FBXW9: variants seen among roughly 807,000 people sequenced by gnomAD.
The protein encoded by FBXW9 is F-box and WD repeat domain containing 9.
In FBXW9, 38 loss-of-function variants were observed where a neutral mutation model predicts 55.8. That is an observed-to-expected ratio of 0.68 (90% confidence interval 0.53 to 0.89). FBXW9 has a LOEUF of 0.89. FBXW9 is among the 40% of genes least tolerant of loss of function. The probability of loss-of-function intolerance (pLI) is 0.00; values close to 1 mark genes in which losing one functional copy is unlikely to be tolerated. For missense variants in FBXW9, 590 were observed against 619.4 expected (o/e 0.95, Z 0.50); for synonymous variants, 289 against 278.2 (o/e 1.04, Z -0.38).
In FBXW9 at chr19:12,694,887, G is replaced by A. The variant is rs894544889; in HGVS notation, c.461C>T (p.Ser154Phe). ...CCAGCGCCCATCCTCTGCCCAGCGG[G>A]ACAGGTGCTGCTCCAGCGCAATGCA... is the stretch of plus-strand genomic sequence containing the variant. Reference protein sequence around the residue: ...AACIALEQHLSRWAEDGRWVE... With the variant: ...AACIALEQHLFRWAEDGRWVE... The change falls in exon 2 of 10, where the codon TCC becomes TTC. Residue 154 changes from serine to phenylalanine, a missense_variant. By Grantham distance (155) the Ser-to-Phe change is radical. Transcript: ENST00000393261. 2.5e-6 allele frequency: 4 copies of A among 1,614,064 alleles called. No homozygotes were observed. The Admixed American group carries it at 6.7e-5, about 27-fold the overall frequency.
At position 12,689,577 on chromosome 19, in the gene FBXW9, T is replaced by A. The variant is rs2024973812; in HGVS notation, c.1200A>T (p.Gly400=). Residue 400 remains glycine (G), a synonymous_variant, in exon 8 of 10, where the codon GGA becomes GGT. Transcript: ENST00000393261. The surrounding 1 kb of genome is among the most constrained non-coding windows in gnomAD (Gnocchi z 5.9). ...TGTCAGTGGATGTGGTGTACAAGGC[T>A]CCCACGGAGTACTGGATCCCAGTGA... The part of the protein sequence containing the change: ...FPITGIQYSV[G]ALYTTSTDKT... 6.2e-7 allele frequency: 1 copy of A among 1,613,770 alleles called. No individual in the cohort carries two copies. The highest frequency in any genetic ancestry group is 8.5e-7 in the Non-Finnish European group (1 of 1,179,928).
At position 12,689,131 on chromosome 19, in the gene FBXW9, A is replaced by T; in HGVS notation, c.*85T>A. 1 of 1,099,910 alleles carries T rather than the reference A, an allele frequency of 9.1e-7. No individual in the cohort carries two copies. Among genetic ancestry groups the T allele is most frequent in the Non-Finnish European group, 1.4e-6 (1 of 714,682 alleles). 68.1% of individuals were successfully genotyped at this position (1,099,910 alleles called of 1,614,324 possible). ...TGCCCTAGGCCCACGGGGCGGAGGC[A>T]GCACCAACATTGGGGATGGTCCCCC... is the stretch of plus-strand genomic sequence containing the variant. On this transcript the variant is annotated 3_prime_UTR_variant, in exon 10 of 10. Transcript: ENST00000393261. The surrounding 1 kb of genome is among the most constrained non-coding windows in gnomAD (Gnocchi z 5.9).
Position 12,689,699 on chromosome 19 carries a change from G to A in FBXW9, c.1146+62C>T. The A allele has an allele frequency of 6.8e-6, 11 of 1,607,882 alleles. No homozygotes were observed. The highest frequency in any genetic ancestry group is 1.3e-5 in the African/African-American group (1 of 74,904). On this transcript the variant is annotated intron_variant, in intron 7 of 9. Coordinates refer to ENST00000393261, the MANE Select transcript of FBXW9 (RefSeq NM_032301.3). The surrounding 1 kb of genome is among the most constrained non-coding windows in gnomAD (Gnocchi z 5.9). ...AGGCCCGCCCTCCCCCACACCACCA[G>A]GGGCTCGGGTAGGAAGGAAGCCCGG... is the stretch of plus-strand genomic sequence containing the variant.
At chr19:12,696,146 C>G in intron 1 of FBXW9, 27 bp downstream of exon 1, 1 of 1,459,250 alleles carries the variant, frequency 6.9e-7, no homozygotes, top group East Asian at 2.5e-5. Flanking sequence ...CCCCGGCCCC[C>G]GGTCCCCGGC....
chr19:12,696,064 C>A, intron 1 of FBXW9, 109 bp downstream of exon 1: 1 of 1,134,482 alleles, frequency 8.8e-7, no homozygotes, highest in Non-Finnish European at 1.2e-6. Context: ...AGCCACGAAG[C>A]CTGCACCAGA....
intron 3 of FBXW9, among the ~76,000 whole-genome samples, chr19:12,693,501 GAAAAAAA>G (rs1214446276): frequency 0.033 from 69 of 2,120 alleles, 1 homozygote; most frequent in African/African-American, 0.055. Flanking sequence ...TCTACTAAAG[GAAAAAAA>G]AAAAAAAAAA....
Position 12,696,330 on chromosome 19 carries a change from CG to C in FBXW9, c.251del (p.Pro84ArgfsTer130). ...AGGAGCAGATCTCGAGCAGCAGCTCCGGGGGAAGGCTCAGAAGGCCCGGCTC... is the reference window on the plus strand; with the variant it reads ...AGGAGCAGATCTCGAGCAGCAGCTCCGGGGAAGGCTCAGAAGGCCCGGCTC... ...VSEPGLLSLP[P>X]ELLLEICSYL... On this transcript the variant is annotated frameshift_variant, in exon 1 of 10. Coordinates refer to ENST00000393261, the MANE Select transcript of FBXW9 (RefSeq NM_032301.3). LOFTEE classifies it high-confidence loss of function. 6.3e-7 allele frequency: 1 copy of C among 1,593,228 alleles called. No individual in the cohort carries two copies. Among genetic ancestry groups the C allele is most frequent in the East Asian group, 2.3e-5 (1 of 43,876 alleles).
rs771792711 is a variant in FBXW9 at position 12,689,897 on chromosome 19, G to C, written c.1033-23C>G. ...CAGCTACGAGAGGGACAAGGGACGGGACAGCTCAGGCCGGGCTGGGCCTGC... is the reference window on the plus strand; with the variant it reads ...CAGCTACGAGAGGGACAAGGGACGGCACAGCTCAGGCCGGGCTGGGCCTGC... On this transcript the variant is annotated intron_variant, in intron 6 of 9. Coordinates refer to ENST00000393261, the MANE Select transcript of FBXW9 (RefSeq NM_032301.3). This position sits in a 1 kb window ranked among gnomAD's most constrained non-coding sequence, Gnocchi z 5.9. 3 of 1,613,118 alleles carry C rather than the reference G, an allele frequency of 1.9e-6. No homozygotes were observed. Among genetic ancestry groups the C allele is most frequent in the Non-Finnish European group, 2.5e-6 (3 of 1,179,302 alleles).
rs1351103140 is a variant in FBXW9, at chr19:12,694,712, A to G, written c.560T>C (p.Leu187Pro). Reference sequence around the variant, plus strand: ...GCGATCTCGGGAGCCCGACAGACAGAGTGACCCACCCTGGAAAGGGAGCAA... The same window carrying G: ...GCGATCTCGGGAGCCCGACAGACAGGGTGACCCACCCTGGAAAGGGAGCAA... Reference protein sequence around the residue: ...DSVLLLQGGSLCLSGSRDRNV... With the variant: ...DSVLLLQGGSPCLSGSRDRNV... The change falls in exon 3 of 10, where the codon CTC (leucine) becomes CCC (proline). Residue 187 changes from leucine to proline, a missense_variant. Transcript: ENST00000393261. 1.2e-6 allele frequency: 2 copies of G among 1,614,070 alleles called. No homozygotes were observed. The highest frequency in any genetic ancestry group is 1.3e-5 in the African/African-American group (1 of 74,930).
intron 5 of FBXW9, 68 bp downstream of exon 5, chr19:12,691,098 G>A: frequency 3.0e-6 from 4 of 1,348,574 alleles, no homozygotes; most frequent in Non-Finnish European, 4.3e-6. Context: ...CAGCCAGGCT[G>A]TGAAGCCCCA....
chr19:12,689,725 G>C lies in FBXW9; in HGVS notation c.1146+36C>G, dbSNP rs181719290. 102 of 1,610,390 alleles carry C rather than the reference G, an allele frequency of 6.3e-5. No individual in the cohort carries two copies. The highest frequency in any genetic ancestry group is 4.3e-4 in the African/African-American group (32 of 74,922). ...GGGCTCGGGTAGGAAGGAAGCCCGGGGGGAGGGACAGTCAGGGGCAGGAGC... is the reference window on the plus strand; with the variant it reads ...GGGCTCGGGTAGGAAGGAAGCCCGGCGGGAGGGACAGTCAGGGGCAGGAGC... On this transcript the variant is annotated intron_variant, in intron 7 of 9. Transcript: ENST00000393261. This position sits in a 1 kb window ranked among gnomAD's most constrained non-coding sequence, Gnocchi z 5.9.
rs2145413691 is a variant in FBXW9, at chr19:12,696,224, A to C, written c.358T>G (p.Trp120Gly). Reference sequence around the variant, plus strand: ...ACGCGGCGTAGCGCGCGTAGCCTCCAGGTGACATGGTCAGACACGAGGTCG... The same window carrying C: ...ACGCGGCGTAGCGCGCGTAGCCTCCCGGTGACATGGTCAGACACGAGGTCG... Reference protein sequence around the residue: ...LRDLVSDHVTWRLRALRRVRA... With the variant: ...LRDLVSDHVTGRLRALRRVRA... The change falls in exon 1 of 10, where the codon TGG (tryptophan) becomes GGG (glycine). Residue 120 changes from tryptophan (W) to glycine (G), a missense_variant. Transcript: ENST00000393261. The C allele has an allele frequency of 6.4e-7, 1 of 1,559,012 alleles. No homozygotes were observed. The highest frequency in any genetic ancestry group is 2.4e-5 in the East Asian group (1 of 41,588).
At chr19:12,693,785 G>A (rs1439479767) in intron 3 of FBXW9, among the ~76,000 whole-genome samples, 1 of 150,778 alleles carries the variant, frequency 6.6e-6, no homozygotes, top group African/African-American at 2.4e-5. Flanking sequence ...CAGTTACTTG[G>A]GAGGCTGAGA....
intron 3 of FBXW9, among the ~76,000 whole-genome samples, chr19:12,693,559 TATACACACAC>T (rs200122775): frequency 0.046 from 502 of 10,986 alleles, 9 homozygotes; most frequent in Non-Finnish European, 0.071. Context: ...TATATATATA[TATACACACAC>T]ACACACACAC....
At chr19:12,695,583 G>A (rs949233349) in intron 1 of FBXW9, among the ~76,000 whole-genome samples, 1 of 152,096 alleles carries the variant, frequency 6.6e-6, no homozygotes, top group Non-Finnish European at 1.5e-5. Context: ...ATACATCTTG[G>A]CTTAAGGGCC....
Position 12,689,367 on chromosome 19 carries a change from C to T in FBXW9, c.1302+5G>A, listed in dbSNP as rs1263084469. On this transcript the variant is annotated splice_donor_5th_base_variant and intron_variant, in intron 9 of 9. Coordinates refer to ENST00000393261, the MANE Select transcript of FBXW9 (RefSeq NM_032301.3). This position sits in a 1 kb window ranked among gnomAD's most constrained non-coding sequence, Gnocchi z 5.9. The stretch of plus-strand genomic sequence containing the variant: ...CTGGGCAGGGCACATGGGGCAGGAC[C>T]TTACCCTATTGAGCCCATTGTCATG... The T allele has an allele frequency of 6.2e-7, 1 of 1,614,176 alleles. No homozygotes were observed. Among genetic ancestry groups the T allele is most frequent in the Admixed American group, 1.7e-5 (1 of 60,012 alleles).
chr19:12,689,189 G>T lies in FBXW9; in HGVS notation c.*27C>A. The T allele has an allele frequency of 6.6e-7, 1 of 1,518,114 alleles. No individual in the cohort carries two copies. The highest frequency in any genetic ancestry group is 9.2e-7 in the Non-Finnish European group (1 of 1,092,592). The allele number at this position is 1,518,114 out of a possible 1,614,324, so 94.0% of individuals were successfully genotyped here. On this transcript the variant is annotated 3_prime_UTR_variant, in exon 10 of 10. Transcript: ENST00000393261. This position sits in a 1 kb window ranked among gnomAD's most constrained non-coding sequence, Gnocchi z 5.9. ...GAGGAGGAAGCCCAGCCTCCGGCAGGCAGTATCCACATCCACGCCCACCTG... is the reference window on the plus strand; with the variant it reads ...GAGGAGGAAGCCCAGCCTCCGGCAGTCAGTATCCACATCCACGCCCACCTG...
At position 12,696,167 on chromosome 19, in the gene FBXW9, G is replaced by A. The variant is rs1405519185; in HGVS notation, c.409+6C>T. On this transcript the variant is annotated splice_donor_region_variant and intron_variant, in intron 1 of 9. Coordinates refer to ENST00000393261, the MANE Select transcript of FBXW9 (RefSeq NM_032301.3). ...CCCCCGGTCCCCGGCCCCCGGCCCCGCGCACCTTCCACCACTGGGTAGGGC... is the reference window on the plus strand; with the variant it reads ...CCCCCGGTCCCCGGCCCCCGGCCCCACGCACCTTCCACCACTGGGTAGGGC... 2 of 1,414,318 alleles carry A rather than the reference G, an allele frequency of 1.4e-6. No homozygotes were observed. Among genetic ancestry groups the A allele is most frequent in the Non-Finnish European group, 1.9e-6 (2 of 1,073,950 alleles). 87.6% of individuals were successfully genotyped at this position (1,414,318 alleles called of 1,614,324 possible).
In FBXW9 at chr19:12,689,662, G is replaced by A. The variant is rs868128193; in HGVS notation, c.1147-32C>T. On this transcript the variant is annotated intron_variant, in intron 7 of 9. Coordinates refer to ENST00000393261, the MANE Select transcript of FBXW9 (RefSeq NM_032301.3). This position sits in a 1 kb window ranked among gnomAD's most constrained non-coding sequence, Gnocchi z 5.9. ...GAGGAGGATCAGGCAACACTCAGTCGAGGCTCTCCCAAGGCCCGCCCTCCC... is the reference window on the plus strand; with the variant it reads ...GAGGAGGATCAGGCAACACTCAGTCAAGGCTCTCCCAAGGCCCGCCCTCCC... 24 of 1,611,530 alleles carry A rather than the reference G, an allele frequency of 1.5e-5. No homozygotes were observed. The highest frequency in any genetic ancestry group is 1.8e-5 in the Non-Finnish European group (21 of 1,178,010).
Sources: allele counts gnomAD v4.1 joint callset (sites outside exome capture counted in the v4.1 genomes callset), GRCh38; gene constraint gnomAD v4.1.1; non-coding constraint Gnocchi (gnomAD v3.1); transcripts MANE v1.5; gene names NCBI Gene and HGNC (gene_info 2026-07-23, HGNC 2026-07-21).